The following AXIN2 variants were observed in gnomAD, a reference collection of about 807,000 sequenced individuals.
AXIN2 encodes axin 2, also known as axin-2.
AXIN2 carries 21 observed loss-of-function variants against 74.7 expected under a neutral mutation model. That is an observed-to-expected ratio of 0.28 (90% CI 0.20 to 0.40). The LOEUF is 0.40. Among genes scored for constraint, AXIN2 ranks in the 10% least tolerant of loss-of-function variants. AXIN2 has a pLI of 1.00. For missense variants in AXIN2, 1,144 were observed against 1,111.1 expected (o/e 1.03, Z -0.42); for synonymous variants, 532 against 454.9 (o/e 1.17, Z -2.16).
In AXIN2 at chr17:65,534,097, T is replaced by C. The variant is rs764132850; in HGVS notation, c.2238-18A>G. ...CTTTGTGACTGAAAATAAGATGGAA[T>C]GGAACAAGTTTAGCATTTTAAAGCA... On this transcript the variant is annotated intron_variant, in intron 9 of 10. Coordinates refer to ENST00000307078, the MANE Select transcript of AXIN2 (RefSeq NM_004655.4). The C allele has an allele frequency of 6.2e-6, 10 of 1,614,044 alleles. No individual in the cohort carries two copies. The highest frequency in any genetic ancestry group is 7.6e-6 in the Non-Finnish European group (9 of 1,180,022).
chr17:65,533,900 C>T lies in AXIN2; in HGVS notation c.2405+12G>A. 1 of 1,612,730 alleles carries T rather than the reference C, an allele frequency of 6.2e-7. No homozygotes were observed. On this transcript the variant is annotated intron_variant, in intron 10 of 10. Coordinates refer to ENST00000307078, the MANE Select transcript of AXIN2 (RefSeq NM_004655.4). ...ACAAACTGAGAGCAGAAAAAAGCCA[C>T]AGGACTCTTACCTATAATTTCCCTT... is the stretch of plus-strand genomic sequence containing the variant.
At chr17:65,556,579 G>T (rs1251046172) in intron 2 of AXIN2, among the ~76,000 whole-genome samples, 2 of 152,116 alleles carry the variant, frequency 1.3e-5, no homozygotes, top group African/African-American at 4.8e-5. Context: ...CGCGCCCCCT[G>T]GTGGTTGGAG....
At position 65,558,081 on chromosome 17, in the gene AXIN2, C is replaced by G; in HGVS notation, c.540G>C (p.Ser180=). The part of the protein sequence containing the change: ...MFDQAQTEIQ[S]VMEENAYQMF... ...TCTGGTAGGCATTTTCCTCCATCAC[C>G]GACTGGATCTCGGTCTGCGCCTGGT... is the stretch of plus-strand genomic sequence containing the variant. Residue 180 remains serine (S), a synonymous_variant, in exon 2 of 11, where the codon TCG becomes TCC. Coordinates refer to ENST00000307078, the MANE Select transcript of AXIN2 (RefSeq NM_004655.4). The G allele has an allele frequency of 6.2e-7, 1 of 1,614,086 alleles. No individual in the cohort carries two copies. Among genetic ancestry groups the G allele is most frequent in the Non-Finnish European group, 8.5e-7 (1 of 1,180,038 alleles).
intron 4 of AXIN2, 120 bp downstream of exon 4, chr17:65,541,335 A>AC (rs1223980149): frequency 4.5e-6 from 4 of 891,096 alleles, no homozygotes; most frequent in African/African-American, 3.3e-5. Flanking sequence ...GCCCTAGGGG[A>AC]CCTTAGGTAC....
Position 65,561,580 on chromosome 17 carries a change from C to G in AXIN2, c.-247G>C, listed in dbSNP as rs1464399025. ...TTGCCAGGACCTTATCAAAGCGCAG[C>G]CGGCTCCAGCCGACTCCCCCGGGCC... On this transcript the variant is annotated 5_prime_UTR_variant, in exon 1 of 11. Transcript: ENST00000307078. 1 of 151,538 alleles carries G rather than the reference C, an allele frequency of 6.6e-6. No homozygotes were observed. The highest frequency in any genetic ancestry group is 2.4e-5 in the African/African-American group (1 of 41,284). The allele number at this position is 151,538 out of a possible 1,614,324, so 9.4% of individuals were successfully genotyped here. A position where few individuals can be genotyped will look rare whatever the true frequency, so the allele number is the denominator to read the frequency against.
At chr17:65,545,213 A>G (rs2044100934) in intron 3 of AXIN2, among the ~76,000 whole-genome samples, 1 of 152,162 alleles carries the variant, frequency 6.6e-6, no homozygotes, top group African/African-American at 2.4e-5. Context: ...CCACTGACTT[A>G]GCTTTCATGA....
At chr17:65,551,118 G>A (rs543350841) in intron 2 of AXIN2, among the ~76,000 whole-genome samples, 1 of 152,302 alleles carries the variant, frequency 6.6e-6, no homozygotes, top group South Asian at 2.1e-4. Context: ...CAGGAAAGGA[G>A]TGCCTTAGTA....
chr17:65,536,405 G>A lies in AXIN2; in HGVS notation c.2056C>T (p.Pro686Ser), dbSNP rs2144440805. 6.2e-7 allele frequency: 1 copy of A among 1,613,814 alleles called. No homozygotes were observed. Among genetic ancestry groups the A allele is most frequent in the East Asian group, 2.2e-5 (1 of 44,870 alleles). The change falls in exon 8 of 11, where the codon CCT becomes TCT. Residue 686 changes from proline to serine, a missense_variant. By Grantham distance (74) the Pro-to-Ser change is moderately conservative (BLOSUM62 -1). Coordinates refer to ENST00000307078, the MANE Select transcript of AXIN2 (RefSeq NM_004655.4). Reference sequence around the variant, plus strand: ...AGCGTGTTGGGTGGGGTCAGGGGAGGCATCGCAGGGTCCTGGGTGAACAGG... The same window carrying A: ...AGCGTGTTGGGTGGGGTCAGGGGAGACATCGCAGGGTCCTGGGTGAACAGG... ...AHLFTQDPAM[P>S]PLTPPNTLAQ...
At position 65,537,934 on chromosome 17, in the gene AXIN2, AC is replaced by A. The variant is rs2043967611; in HGVS notation, c.1201-100del. ...CGGCTCCCTACGCAGGAGCACGCAC[AC>A]CCGTGTGCACGCCCACAGCCACGCC... On this transcript the variant is annotated intron_variant, in intron 5 of 10. Coordinates refer to ENST00000307078, the MANE Select transcript of AXIN2 (RefSeq NM_004655.4). The A allele has an allele frequency of 1.9e-5, 28 of 1,443,158 alleles. No individual in the cohort carries two copies. In the South Asian group the frequency reaches 3.2e-4, roughly 16 times the overall value. 89.4% of individuals were successfully genotyped at this position (1,443,158 alleles called of 1,614,324 possible). A position where few individuals can be genotyped will look rare whatever the true frequency, so the allele number is the denominator to read the frequency against.
At chr17:65,534,173 G>A (rs1049927895) in intron 9 of AXIN2, 94 bp from the exon 10 acceptor site, 1 of 1,474,532 alleles carries the variant, frequency 6.8e-7, no homozygotes, top group East Asian at 2.3e-5. Flanking sequence ...ATAAGTGACA[G>A]GGTATCCAAA....
At position 65,561,449 on chromosome 17, in the gene AXIN2, C is replaced by G. The variant is rs934422806; in HGVS notation, c.-117+1G>C. On this transcript the variant is annotated splice_donor_variant, in intron 1 of 10. Transcript: ENST00000307078. LOFTEE classifies it low-confidence loss of function (5UTR_SPLICE). ...CGCTGGGGCCGAGCTTCCACCCCCACCTTTTACAGCAGGGCCTTCGGCGGG... is the reference window on the plus strand; with the variant it reads ...CGCTGGGGCCGAGCTTCCACCCCCAGCTTTTACAGCAGGGCCTTCGGCGGG... The G allele has an allele frequency of 6.6e-6, 1 of 150,438 alleles. No individual in the cohort carries two copies. Among genetic ancestry groups the G allele is most frequent in the Non-Finnish European group, 1.5e-5 (1 of 67,412 alleles). 9.3% of individuals were successfully genotyped at this position (150,438 alleles called of 1,614,324 possible).
intron 2 of AXIN2, among the ~76,000 whole-genome samples, chr17:65,556,446 G>C (rs1318109016): frequency 6.6e-6 from 1 of 152,162 alleles, no homozygotes; most frequent in African/African-American, 2.4e-5. Context: ...CAGACAACTT[G>C]ACTCCACAAG....
Position 65,558,300 on chromosome 17 carries a change from G to A in AXIN2, c.321C>T (p.Thr107=), listed in dbSNP as rs1060504492. 6.2e-7 allele frequency: 1 copy of A among 1,614,000 alleles called. No homozygotes were observed. The highest frequency in any genetic ancestry group is 8.5e-7 in the Non-Finnish European group (1 of 1,180,034). The change falls in exon 2 of 11, where the codon ACC becomes ACT. Residue 107 remains threonine, a synonymous_variant. Transcript: ENST00000307078. ...TFLEREKCVD[T]LDFWFACNGF... ...CATTGCAGGCAAACCAGAAGTCTAA[G>A]GTATCCACGCATTTCTCCCTCTCCA...
chr17:65,531,284 C>A (rs1263150583), intron 10 of AXIN2, among the ~76,000 whole-genome samples: 1 of 152,006 alleles, frequency 6.6e-6, no homozygotes, highest in Non-Finnish European at 1.5e-5. Context: ...GGAGATAAGG[C>A]TAAATACAGT....
chr17:65,557,040 G>A (rs2044276960), intron 2 of AXIN2, among the ~76,000 whole-genome samples: 1 of 152,128 alleles, frequency 6.6e-6, no homozygotes, highest in Admixed American at 6.5e-5. Context: ...ATTTGTCTTT[G>A]AAGCCTCAAA....
intron 4 of AXIN2, among the ~76,000 whole-genome samples, chr17:65,540,109 C>T (rs2044018298): frequency 6.6e-6 from 1 of 152,202 alleles, no homozygotes; most frequent in Non-Finnish European, 1.5e-5. Context: ...GGAACAGCTA[C>T]CCTCCAGGGC....
In AXIN2 at chr17:65,558,360, G is replaced by A. The variant is rs1567769274; in HGVS notation, c.261C>T (p.Gly87=). ...RWTKSLHSLL[G]DQDGAYLFRT... is the part of the protein sequence containing the mutation. Reference sequence around the variant, plus strand: ...GGAACAGGTAAGCACCGTCTTGATCGCCCAATAAGGAGTGTAAGGACTTGG... The same window carrying A: ...GGAACAGGTAAGCACCGTCTTGATCACCCAATAAGGAGTGTAAGGACTTGG... Residue 87 remains glycine, a synonymous_variant, in exon 2 of 11, where the codon GGC becomes GGT. Transcript: ENST00000307078. The A allele has an allele frequency of 3.7e-6, 6 of 1,613,424 alleles. No homozygotes were observed. The highest frequency in any genetic ancestry group is 1.3e-5 in the African/African-American group (1 of 74,906).
intron 2 of AXIN2, among the ~76,000 whole-genome samples, 184 bp from the exon 3 acceptor site, chr17:65,549,844 G>A (rs772340151): frequency 2.6e-5 from 4 of 152,166 alleles, no homozygotes; most frequent in Non-Finnish European, 5.9e-5. Flanking sequence ...CTGAGCCACC[G>A]GTTCACCCTG....
chr17:65,532,005 G>A (rs7224837), intron 10 of AXIN2, among the ~76,000 whole-genome samples: 135,977 of 152,064 alleles, frequency 0.89, 60,813 homozygotes, highest in Middle Eastern at 0.96. Flanking sequence ...AGGGTGAGGC[G>A]TGACACCCTG....
Sources: allele counts gnomAD v4.1 joint callset (sites outside exome capture counted in the v4.1 genomes callset), GRCh38; gene constraint gnomAD v4.1.1; transcripts MANE v1.5; gene names NCBI Gene and HGNC (gene_info 2026-07-23, HGNC 2026-07-21).